The following CREM variants were observed in gnomAD, a reference collection of about 807,000 sequenced individuals.
CREM encodes cAMP responsive element modulator, also known as cAMP-responsive element modulator.
In CREM, 13 loss-of-function variants were observed where a neutral mutation model predicts 37.3. That is an observed-to-expected ratio of 0.35 (90% CI 0.23 to 0.55). CREM has a LOEUF of 0.55. Among genes scored for constraint, CREM ranks in the 20% least tolerant of loss-of-function variants. The pLI, the probability that CREM is intolerant of heterozygous loss-of-function variation, is 0.88. For synonymous variants in CREM, 124 were observed against 120.2 expected, an observed-to-expected ratio of 1.03 and a Z score of -0.21; for missense variants, 296 against 362.3, an observed-to-expected ratio of 0.82 and a Z score of 1.49.
At chr10:35,161,378 G>A (rs1285296678) in intron 3 of CREM, among the ~76,000 whole-genome samples, 5 of 151,840 alleles carry the variant, frequency 3.3e-5, no homozygotes, top group East Asian at 3.9e-4. Context: ...GCCTGTAATC[G>A]CAGCTACTTG....
At chr10:35,208,310 C>T (rs1044725303) in intron 7 of CREM, among the ~76,000 whole-genome samples, 7 of 152,090 alleles carry the variant, frequency 4.6e-5, no homozygotes, top group Non-Finnish European at 8.8e-5. Flanking sequence ...CTCACTTTTT[C>T]TTGCTCCATA....
intron 6 of CREM, among the ~76,000 whole-genome samples, chr10:35,197,099 C>A (rs1390846267): frequency 6.6e-6 from 1 of 151,770 alleles, no homozygotes; most frequent in Non-Finnish European, 1.5e-5. Context: ...CCTCGTGATC[C>A]GCCCTCCTTG....
intron 3 of CREM, chr10:35,167,828 C>G (rs1188452880): frequency 6.3e-7 from 1 of 1,591,198 alleles, no homozygotes; most frequent in Admixed American, 1.7e-5. Context: ...CTATAAGTAC[C>G]TTCACACTTT....
At chr10:35,171,793 C>T (rs1176474629) in intron 3 of CREM, among the ~76,000 whole-genome samples, 1 of 152,186 alleles carries the variant, frequency 6.6e-6, no homozygotes, top group Non-Finnish European at 1.5e-5. Context: ...CATTGAGAGC[C>T]ACTGGGATCT....
intron 3 of CREM, chr10:35,175,793 T>TA (rs1286677313): frequency 6.2e-7 from 1 of 1,613,208 alleles, no homozygotes; most frequent in African/African-American, 1.3e-5. Context: ...TACTTAAAAA[T>TA]AGCAAAAACA....
intron 5 of CREM, 108 bp downstream of exon 5, chr10:35,179,384 CATT>C (rs2094252736): frequency 1.6e-6 from 2 of 1,215,248 alleles, no homozygotes; most frequent in African/African-American, 3.0e-5. Flanking sequence ...TAAAATGCAT[CATT>C]AATACCTAAA....
intron 7 of CREM, chr10:35,210,514 C>T (rs2095642577): frequency 6.6e-6 from 1 of 152,148 alleles, no homozygotes; most frequent in Admixed American, 6.5e-5. Context: ...AGGAAACAGT[C>T]TTGAAATATG....
chr10:35,200,489 C>A (rs1474384011), intron 6 of CREM, among the ~76,000 whole-genome samples: 1 of 152,094 alleles, frequency 6.6e-6, no homozygotes, highest in Non-Finnish European at 1.5e-5. Context: ...TCTATGTGGT[C>A]TATGTGTTAT....
Position 35,199,980 on chromosome 10 carries a change from C to T in CREM, c.599-6915C>T, listed in dbSNP as rs541332804. Among the ~76,000 whole-genome samples the T allele has an allele frequency of 4.7e-5, 7 of 149,974 alleles. No homozygotes were observed. In the East Asian group the frequency reaches 1.4e-3, roughly 29 times the overall value. On this transcript the variant is annotated intron_variant, in intron 6 of 7. Coordinates refer to ENST00000685392, the MANE Select transcript of CREM (RefSeq NM_183011.2). The stretch of plus-strand genomic sequence containing the variant: ...TCTTGGCTCACTGCAACCTCTGCCT[C>T]CCAGGTTCAAGCGATTCACCTGCCT...
At chr10:35,170,751 C>G (rs1212723994) in intron 3 of CREM, among the ~76,000 whole-genome samples, 3 of 152,076 alleles carry the variant, frequency 2.0e-5, no homozygotes, top group African/African-American at 7.2e-5. Flanking sequence ...GTGATATCCC[C>G]TTTATCATGT....
intron 3 of CREM, among the ~76,000 whole-genome samples, chr10:35,175,246 G>A (rs2132919715): frequency 6.7e-6 from 1 of 149,682 alleles, no homozygotes; most frequent in South Asian, 2.1e-4. Flanking sequence ...AGGAGATCGA[G>A]ACCATCCTGG....
In CREM at chr10:35,211,373, A is replaced by G. The variant is rs1304264108; in HGVS notation, c.875A>G (p.Asp292Gly). The change falls in exon 8 of 8, where the codon GAT becomes GGT. Residue 292 changes from aspartate (D) to glycine (G), a missense_variant. This residue lies in a region of CREM where 39 missense variants were observed against 82.0 expected (regional missense o/e 0.48). Transcript: ENST00000685392. The part of the protein sequence containing the change: ...TLIEELKALK[D>G]LYCHKVE Reference sequence around the variant, plus strand: ...ATTGAGGAACTCAAGGCCCTCAAAGATCTTTATTGCCATAAAGTAGAGTAA... The same window carrying G: ...ATTGAGGAACTCAAGGCCCTCAAAGGTCTTTATTGCCATAAAGTAGAGTAA... 6.2e-7 allele frequency: 1 copy of G among 1,614,064 alleles called. No individual in the cohort carries two copies. Among genetic ancestry groups the G allele is most frequent in the East Asian group, 2.2e-5 (1 of 44,886 alleles).
chr10:35,166,776 A>G (rs1351879189), intron 3 of CREM, among the ~76,000 whole-genome samples: 1 of 152,116 alleles, frequency 6.6e-6, no homozygotes, highest in Non-Finnish European at 1.5e-5. Context: ...CACTCAAGAT[A>G]ACCGAAATGA....
At chr10:35,153,187 T>C (rs561140095) in intron 3 of CREM, among the ~76,000 whole-genome samples, 3 of 152,324 alleles carry the variant, frequency 2.0e-5, no homozygotes, top group Admixed American at 1.3e-4. Flanking sequence ...AAGGCTGTAG[T>C]GCACTGTGAT....
chr10:35,163,957 A>T (rs1408279999), intron 3 of CREM, among the ~76,000 whole-genome samples: 3 of 151,856 alleles, frequency 2.0e-5, no homozygotes, highest in Admixed American at 2.0e-4. Context: ...AGCCTGGGTG[A>T]CAGCAAGAAC....
At chr10:35,160,757 T>G (rs1422489606) in intron 3 of CREM, among the ~76,000 whole-genome samples, 1 of 152,274 alleles carries the variant, frequency 6.6e-6, no homozygotes, top group Non-Finnish European at 1.5e-5. Context: ...CTTCTATGCT[T>G]ATGCTGTGTA....
At chr10:35,176,333 G>A (rs2094075577) in intron 3 of CREM, among the ~76,000 whole-genome samples, 1 of 151,928 alleles carries the variant, frequency 6.6e-6, no homozygotes, top group South Asian at 2.1e-4. Flanking sequence ...TATTTTGAGG[G>A]TGCATCAGAG....
intron 6 of CREM, among the ~76,000 whole-genome samples, chr10:35,192,484 G>T (rs180762736): frequency 1.3e-5 from 2 of 152,256 alleles, no homozygotes; most frequent in East Asian, 3.9e-4. Flanking sequence ...GAGTAGCTGG[G>T]ATTACAGGCA....
At chr10:35,166,243 G>A (rs2093547295) in intron 3 of CREM, among the ~76,000 whole-genome samples, 1 of 149,326 alleles carries the variant, frequency 6.7e-6, no homozygotes, top group Non-Finnish European at 1.5e-5. Flanking sequence ...CAATTTGTTA[G>A]CCACACTATC....
Sources: gnomAD v4.1 joint callset for allele counts (sites outside exome capture counted in the v4.1 genomes callset) on GRCh38, gnomAD v4.1.1 for gene constraint, gnomAD v4.1.1 regional missense constraint, MANE v1.5 for transcripts, NCBI Gene and HGNC (gene_info 2026-07-23, HGNC 2026-07-21) for gene names.